Variants in ASXL3 observed in about 807,000 individuals in gnomAD.
ASXL3 encodes ASXL transcriptional regulator 3.
Under a neutral mutation model 170.6 loss-of-function variants are expected in ASXL3, and 34 were observed. The ratio of observed to expected loss-of-function variants is 0.20; its 90% CI spans 0.15 to 0.27. ASXL3 has a LOEUF of 0.27. Ranked by LOEUF, ASXL3 falls within the 10% of genes least tolerant of loss-of-function variation. The pLI is 1.00. For synonymous variants in ASXL3, 1,002 were observed against 989.1 expected (o/e 1.01, Z -0.24); for missense variants, 2,592 against 2,695.3 (o/e 0.96, Z 0.85).
intron 8 of ASXL3, among the ~76,000 whole-genome samples, chr18:33,699,391 A>T (rs2066831134): frequency 6.6e-6 from 1 of 152,174 alleles, no homozygotes; most frequent in African/African-American, 2.4e-5. Context: ...AGAGTAGAAT[A>T]AAATGAAAAT....
At chr18:33,579,169 C>A (rs1431382224) in intron 1 of ASXL3, 1 of 152,804 alleles carries the variant, frequency 6.5e-6, no homozygotes, top group Admixed American at 6.5e-5. Flanking sequence ...GTGTCCGACA[C>A]GGACTTGTGG....
chr18:33,728,228 C>T (rs914720833), intron 8 of ASXL3, among the ~76,000 whole-genome samples: 1 of 152,122 alleles, frequency 6.6e-6, no homozygotes, highest in South Asian at 2.1e-4. Context: ...AAGTGTTACA[C>T]CGACTATAAA....
At chr18:33,701,152 T>C (rs1172938568) in intron 8 of ASXL3, among the ~76,000 whole-genome samples, 1 of 152,050 alleles carries the variant, frequency 6.6e-6, no homozygotes, top group Non-Finnish European at 1.5e-5. Context: ...ACATTAATAA[T>C]ATATGAATAT....
intron 8 of ASXL3, among the ~76,000 whole-genome samples, chr18:33,711,288 C>A (rs776727852): frequency 8.6e-5 from 13 of 151,934 alleles, no homozygotes; most frequent in African/African-American, 3.1e-4. Flanking sequence ...CTTTTTTATG[C>A]GCTTGTATGC....
chr18:33,593,765 T>C (rs569727404), intron 1 of ASXL3, among the ~76,000 whole-genome samples: 1 of 152,336 alleles, frequency 6.6e-6, no homozygotes, highest in African/African-American at 2.4e-5. Context: ...ATAATTTATC[T>C]GCAGGAGACA....
In ASXL3 at chr18:33,745,506, C is replaced by T. The variant is rs1398980012; in HGVS notation, c.5658C>T (p.Asn1886=). 12 of 1,613,902 alleles carry T rather than the reference C, an allele frequency of 7.4e-6. No individual in the cohort carries two copies. The highest frequency in any genetic ancestry group is 9.3e-6 in the Non-Finnish European group (11 of 1,179,910). ...GGCTAAACAAGCACTCCATGCAGAA[C>T]AGAATTGTTCACAGCCCTGAGGTCA... ...QEWLNKHSMQ[N]RIVHSPEVKQ... Residue 1886 remains asparagine (N), a synonymous_variant, in exon 12 of 12, where the codon AAC becomes AAT. Coordinates refer to ENST00000269197, the MANE Select transcript of ASXL3 (RefSeq NM_030632.3).
intron 8 of ASXL3, among the ~76,000 whole-genome samples, chr18:33,688,306 G>A (rs547841657): frequency 5.9e-5 from 9 of 152,270 alleles, no homozygotes; most frequent in African/African-American, 1.9e-4. Flanking sequence ...GTTTTATCAG[G>A]GGATACACAG....
rs774020208 is a variant in ASXL3, at chr18:33,739,070, ACAGAACATAAGGAGT to A, written c.1672_1686del (p.His558_Glu562del). The A allele has an allele frequency of 5.3e-5, 86 of 1,613,462 alleles. No individual in the cohort carries two copies. The South Asian group carries it at 9.1e-4, about 17-fold the overall frequency. Reference sequence around the variant, plus strand: ...TTCATCTATGACTCATGTCAGTGACACAGAACATAAGGAGTCAGAAACTGCAGTAGAGACCAGTAC... The same window carrying A: ...TTCATCTATGACTCATGTCAGTGACACAGAAACTGCAGTAGAGACCAGTAC... On this transcript the variant is annotated inframe_deletion, in exon 11 of 12. Coordinates refer to ENST00000269197, the MANE Select transcript of ASXL3 (RefSeq NM_030632.3).
chr18:33,668,427 C>CAA (rs11288492), intron 5 of ASXL3, among the ~76,000 whole-genome samples: 1,931 of 115,876 alleles, frequency 0.017, 51 homozygotes, highest in African/African-American at 0.056. Flanking sequence ...GACTCCATCT[C>CAA]AAAAAAAAAA....
At chr18:33,691,540 C>G (rs185070205) in intron 8 of ASXL3, among the ~76,000 whole-genome samples, 1 of 152,166 alleles carries the variant, frequency 6.6e-6, no homozygotes, top group South Asian at 2.1e-4. Flanking sequence ...TTTATTCAAC[C>G]AAAACATATT....
intron 1 of ASXL3, among the ~76,000 whole-genome samples, chr18:33,590,111 G>GTTTTTTTTTTTGTTTTTTT (rs2065064686): frequency 6.0e-5 from 5 of 83,174 alleles, no homozygotes; most frequent in Admixed American, 1.2e-4. Context: ...TGCTTTCTAT[G>GTTTTTTTTTTTGTTTTTTT]TTTTTTTTTT....
chr18:33,609,728 T>A (rs2065305620), intron 2 of ASXL3, among the ~76,000 whole-genome samples: 1 of 151,942 alleles, frequency 6.6e-6, no homozygotes, highest in Non-Finnish European at 1.5e-5. Flanking sequence ...AAAGAGTCCT[T>A]TGTTACAAAC....
At position 33,708,996 on chromosome 18, in the gene ASXL3, A is replaced by G. The variant is rs536362539; in HGVS notation, c.880-22972A>G. 8.7e-4 allele frequency among the ~76,000 whole-genome samples: 132 copies of G among 152,338 alleles called. 1 individual carries two copies. Among genetic ancestry groups the G allele is most frequent in the African/African-American group, 3.1e-3 (127 of 41,588 alleles). On this transcript the variant is annotated intron_variant, in intron 8 of 11. Coordinates refer to ENST00000269197, the MANE Select transcript of ASXL3 (RefSeq NM_030632.3). Reference sequence around the variant, plus strand: ...AAACATACATGAGGTAGCTCTTGATATAATATCTAAATGGCCGATAAACAT... The same window carrying G: ...AAACATACATGAGGTAGCTCTTGATGTAATATCTAAATGGCCGATAAACAT...
At chr18:33,654,537 G>C (rs1370261409) in intron 4 of ASXL3, among the ~76,000 whole-genome samples, 1 of 152,052 alleles carries the variant, frequency 6.6e-6, no homozygotes, top group Non-Finnish European at 1.5e-5. Context: ...TGATGCCCAT[G>C]AATGAAACAC....
At position 33,745,899 on chromosome 18, in the gene ASXL3, G is replaced by C. The variant is rs779335040; in HGVS notation, c.6051G>C (p.Pro2017=). 1.2e-6 allele frequency: 2 copies of C among 1,610,452 alleles called. No homozygotes were observed. The highest frequency in any genetic ancestry group is 1.7e-6 in the Non-Finnish European group (2 of 1,179,434). ...TGCCAAACAAAGCACTAGTACATCC[G>C]CCGCCGCCACCGCCTCCCCCTCCCC... ...HTMPNKALVH[P]PPPPPPPPPP... The change falls in exon 12 of 12, where the codon CCG becomes CCC. Residue 2017 remains proline, a synonymous_variant. Transcript: ENST00000269197.
intron 4 of ASXL3, among the ~76,000 whole-genome samples, chr18:33,651,797 A>G (rs369486996): frequency 1.3e-5 from 2 of 152,150 alleles, no homozygotes; most frequent in African/African-American, 2.4e-5. Context: ...GATAATGATT[A>G]TAATACTTTA....
At position 33,632,635 on chromosome 18, in the gene ASXL3, C is replaced by A. The variant is rs1410876777; in HGVS notation, c.138-12259C>A. 2.0e-5 allele frequency among the ~76,000 whole-genome samples: 3 copies of A among 152,138 alleles called. No homozygotes were observed. The East Asian group carries it at 5.8e-4, about 29-fold the overall frequency. Reference sequence around the variant, plus strand: ...TTTGTCAGTGTCTTTGTCCAAAAAGCAACAAGAAAAAACCAGCCTACTGTT... The same window carrying A: ...TTTGTCAGTGTCTTTGTCCAAAAAGAAACAAGAAAAAACCAGCCTACTGTT... On this transcript the variant is annotated intron_variant, in intron 2 of 11. Coordinates refer to ENST00000269197, the MANE Select transcript of ASXL3 (RefSeq NM_030632.3).
At chr18:33,724,232 A>G (rs903134308) in intron 8 of ASXL3, among the ~76,000 whole-genome samples, 2 of 152,086 alleles carry the variant, frequency 1.3e-5, no homozygotes, top group Admixed American at 1.3e-4. Context: ...TATTTAAAAA[A>G]TTATTATATA....
intron 7 of ASXL3, among the ~76,000 whole-genome samples, chr18:33,674,654 G>T (rs931941323): frequency 6.0e-5 from 9 of 149,176 alleles, no homozygotes; most frequent in Non-Finnish European, 1.2e-4. Flanking sequence ...GTCTCGCTCT[G>T]TCGCTCCAGA....
Sources: gnomAD v4.1 joint callset for allele counts (sites outside exome capture counted in the v4.1 genomes callset) on GRCh38, gnomAD v4.1.1 for gene constraint, MANE v1.5 for transcripts, NCBI Gene and HGNC (gene_info 2026-07-23, HGNC 2026-07-21) for gene names.